The following MAML3 variants were observed in gnomAD, a reference collection of about 807,000 sequenced individuals.
The protein encoded by MAML3 is mastermind like transcriptional coactivator 3.
In MAML3, 27 loss-of-function variants were observed where a neutral mutation model predicts 101.9. The ratio of observed to expected loss-of-function variants is 0.27; its 90% CI spans 0.20 to 0.37. The LOEUF is 0.37. MAML3 is among the 10% of genes least tolerant of loss of function. The pLI is 1.00. For synonymous variants in MAML3, 501 were observed against 555.9 expected (o/e 0.90, Z 1.39); for missense variants, 1,316 against 1,444.9 (o/e 0.91, Z 1.45).
At chr4:139,836,211 A>G (rs1330768711) in intron 2 of MAML3, among the ~76,000 whole-genome samples, 1 of 152,256 alleles carries the variant, frequency 6.6e-6, no homozygotes, top group Admixed American at 6.5e-5. Context: ...ACAGACACAT[A>G]AATAAACAGG....
At position 140,120,925 on chromosome 4, in the gene MAML3, C is replaced by T. The variant is rs972291099; in HGVS notation, c.468+31935G>A. The stretch of plus-strand genomic sequence containing the variant: ...ACACAGTGGTTTTATGGAAAATGTA[C>T]TTCTACTATCAACAAAAATCTTTTG... On this transcript the variant is annotated intron_variant, in intron 1 of 4. Coordinates refer to ENST00000509479, the MANE Select transcript of MAML3 (RefSeq NM_018717.5). Among the ~76,000 whole-genome samples the T allele has an allele frequency of 2.6e-5, 4 of 152,170 alleles. No homozygotes were observed. In the East Asian group the frequency reaches 5.8e-4, roughly 22 times the overall value.
intron 1 of MAML3, among the ~76,000 whole-genome samples, chr4:139,986,433 T>G (rs1464511988): frequency 6.6e-6 from 1 of 152,238 alleles, no homozygotes; most frequent in Non-Finnish European, 1.5e-5. Flanking sequence ...GAACTACTTT[T>G]AGTCATTATC....
chr4:139,884,982 C>T (rs960622272), intron 2 of MAML3, among the ~76,000 whole-genome samples: 1 of 152,126 alleles, frequency 6.6e-6, no homozygotes, highest in African/African-American at 2.4e-5. Flanking sequence ...CGGAAAAAAA[C>T]CAGATGTGAC....
intron 1 of MAML3, among the ~76,000 whole-genome samples, chr4:140,097,221 G>A (rs1408769959): frequency 1.3e-5 from 2 of 152,178 alleles, no homozygotes; most frequent in Non-Finnish European, 1.5e-5. Context: ...TTCAGGGCAA[G>A]AGCATAAGAG....
At position 139,730,569 on chromosome 4, in the gene MAML3, G is replaced by A. The variant is rs544185652; in HGVS notation, c.2178C>T (p.Gly726=). The part of the protein sequence containing the change: ...GGMVSGASPA[G]PGFLGSQPQA... ...GGGGCTGGCTGCCCAGGAAGCCGGG[G>A]CCTGCGGGACTGGCTCCTGAGACCA... is the stretch of plus-strand genomic sequence containing the variant. Residue 726 remains glycine, a synonymous_variant, in exon 3 of 5, where the codon GGC becomes GGT. Transcript: ENST00000509479. 6.2e-7 allele frequency: 1 copy of A among 1,601,154 alleles called. No homozygotes were observed. The highest frequency in any genetic ancestry group is 8.5e-7 in the Non-Finnish European group (1 of 1,174,492).
At chr4:139,756,520 AG>A (rs1269779497) in intron 2 of MAML3, among the ~76,000 whole-genome samples, 1 of 152,172 alleles carries the variant, frequency 6.6e-6, no homozygotes, top group Non-Finnish European at 1.5e-5. Flanking sequence ...TAAACCTTAA[AG>A]GGACCCCGAG....
At chr4:139,783,611 T>C (rs770632506) in intron 2 of MAML3, among the ~76,000 whole-genome samples, 21 of 152,230 alleles carry the variant, frequency 1.4e-4, no homozygotes, top group Non-Finnish European at 1.5e-4. Context: ...TTGGGATCAA[T>C]ACCCGCTTCT....
chr4:139,872,168 A>G (rs1732021407), intron 2 of MAML3, among the ~76,000 whole-genome samples: 4 of 152,102 alleles, frequency 2.6e-5, no homozygotes, highest in Admixed American at 2.6e-4. Context: ...ACAACATTTC[A>G]CTCTATTGAA....
chr4:140,068,055 T>A (rs1480586574), intron 1 of MAML3, among the ~76,000 whole-genome samples: 1 of 152,130 alleles, frequency 6.6e-6, no homozygotes, highest in Non-Finnish European at 1.5e-5. Flanking sequence ...TAATCTGCTT[T>A]TTGTGAACAG....
chr4:139,795,552 G>C (rs1364564671), intron 2 of MAML3, among the ~76,000 whole-genome samples: 1 of 152,176 alleles, frequency 6.6e-6, no homozygotes, highest in East Asian at 1.9e-4. Context: ...CGGTTCTTGT[G>C]TTCTTTTATG....
intron 1 of MAML3, among the ~76,000 whole-genome samples, chr4:140,012,321 G>GC (rs1316251860): frequency 3.3e-5 from 5 of 152,218 alleles, no homozygotes; most frequent in Non-Finnish European, 5.9e-5. Flanking sequence ...AATTATGAGT[G>GC]TTATAGGCTG....
intron 1 of MAML3, among the ~76,000 whole-genome samples, chr4:140,113,354 C>A (rs1728468968): frequency 1.3e-5 from 2 of 152,048 alleles, no homozygotes; most frequent in Non-Finnish European, 2.9e-5. Flanking sequence ...TCTAGGGCCC[C>A]TCGCTGAACC....
chr4:139,934,382 G>C (rs1733465900), intron 1 of MAML3, among the ~76,000 whole-genome samples: 1 of 151,976 alleles, frequency 6.6e-6, no homozygotes, highest in African/African-American at 2.4e-5. Context: ...AAATAAAAGG[G>C]AAATAAGAGG....
intron 2 of MAML3, among the ~76,000 whole-genome samples, chr4:139,868,635 G>C (rs961937132): frequency 1.3e-5 from 2 of 152,168 alleles, no homozygotes; most frequent in African/African-American, 4.8e-5. Context: ...ATAAATGGAG[G>C]TAATAATACC....
chr4:140,075,875 C>A (rs1369258720), intron 1 of MAML3, among the ~76,000 whole-genome samples: 1 of 152,196 alleles, frequency 6.6e-6, no homozygotes, highest in African/African-American at 2.4e-5. Context: ...ATTCTCCCAC[C>A]TCAGCCTCAA....
intron 1 of MAML3, among the ~76,000 whole-genome samples, chr4:140,109,941 C>T (rs1293959417): frequency 6.6e-6 from 1 of 152,186 alleles, no homozygotes; most frequent in Admixed American, 6.5e-5. Context: ...TGTCAAAATT[C>T]CCACCATATA....
chr4:140,091,537 C>CAAAACAAAAAAAAAAAA (rs1728048886), intron 1 of MAML3, among the ~76,000 whole-genome samples: 2 of 71,600 alleles, frequency 2.8e-5, no homozygotes, highest in Non-Finnish European at 5.5e-5. Context: ...AACAACAAAA[C>CAAAACAAAAAAAAAAAA]AAAAACAAAA....
intron 1 of MAML3, among the ~76,000 whole-genome samples, chr4:140,025,971 T>C (rs1726815989): frequency 6.6e-6 from 1 of 152,230 alleles, no homozygotes; most frequent in Non-Finnish European, 1.5e-5. Flanking sequence ...CTGATCACTG[T>C]GGCTATGTCA....
At chr4:139,920,089 A>C (rs1733098032) in intron 1 of MAML3, among the ~76,000 whole-genome samples, 1 of 152,224 alleles carries the variant, frequency 6.6e-6, no homozygotes, top group Non-Finnish European at 1.5e-5. Flanking sequence ...TTTATTTTTA[A>C]ATGTTCATTA....
Sources: gnomAD v4.1 joint callset for allele counts (sites outside exome capture counted in the v4.1 genomes callset) on GRCh38, gnomAD v4.1.1 for gene constraint, MANE v1.5 for transcripts, NCBI Gene and HGNC (gene_info 2026-07-23, HGNC 2026-07-21) for gene names.